The following SH3RF1 variants were observed in gnomAD, a reference collection of about 807,000 sequenced individuals.
SH3RF1 encodes SH3 domain containing ring finger 1.
In SH3RF1, 32 loss-of-function variants were observed where a neutral mutation model predicts 74.0. The observed-to-expected ratio is 0.43, with a 90% confidence interval of 0.33 to 0.58. The LOEUF is 0.58. Among genes scored for constraint, SH3RF1 ranks in the 20% least tolerant of loss-of-function variants. The pLI is 0.05. For missense variants in SH3RF1, 954 were observed against 1,130.9 expected (o/e 0.84, Z 2.24); for synonymous variants, 396 against 439.6 (o/e 0.90, Z 1.24).
At chr4:169,130,490 G>A (rs542121612) in intron 5 of SH3RF1, among the ~76,000 whole-genome samples, 1 of 152,278 alleles carries the variant, frequency 6.6e-6, no homozygotes, top group Non-Finnish European at 1.5e-5. Flanking sequence ...TGGACAGCCT[G>A]GTGCTCAACT....
intron 6 of SH3RF1, among the ~76,000 whole-genome samples, chr4:169,122,928 G>A (rs1733464693): frequency 6.6e-6 from 1 of 152,098 alleles, no homozygotes; most frequent in South Asian, 2.1e-4. Flanking sequence ...GCCTAATGGG[G>A]TTCTGCCTAC....
chr4:169,116,765 G>C (rs765541941), intron 9 of SH3RF1, 135 bp from the exon 10 acceptor site: 2 of 1,223,880 alleles, frequency 1.6e-6, no homozygotes, highest in Non-Finnish European at 2.2e-6. Flanking sequence ...AGATGGGATG[G>C]ACGGTGGCCT....
chr4:169,191,930 T>C (rs1458852816), intron 2 of SH3RF1, among the ~76,000 whole-genome samples: 2 of 152,104 alleles, frequency 1.3e-5, no homozygotes, highest in African/African-American at 2.4e-5. Context: ...TGTGAAACTA[T>C]AAAAATTCTT....
At chr4:169,160,089 A>G (rs561836144) in intron 2 of SH3RF1, among the ~76,000 whole-genome samples, 3 of 152,264 alleles carry the variant, frequency 2.0e-5, no homozygotes, top group Admixed American at 1.3e-4. Context: ...AAATAACTCT[A>G]TTCACCATTA....
chr4:169,236,788 T>C (rs1730829298), intron 2 of SH3RF1, among the ~76,000 whole-genome samples: 1 of 152,208 alleles, frequency 6.6e-6, no homozygotes, highest in South Asian at 2.1e-4. Context: ...ATTGCTTCTA[T>C]ATTATTATTC....
intron 2 of SH3RF1, among the ~76,000 whole-genome samples, chr4:169,200,382 A>G (rs1327396775): frequency 2.6e-5 from 4 of 152,182 alleles, no homozygotes; most frequent in African/African-American, 9.7e-5. Flanking sequence ...GTTAATCACA[A>G]TGCAATTAAG....
At chr4:169,187,012 CA>C (rs11435790) in intron 2 of SH3RF1, among the ~76,000 whole-genome samples, 79 of 127,488 alleles carry the variant, frequency 6.2e-4, no homozygotes, top group African/African-American at 8.0e-4. Flanking sequence ...GGCTCCATCG[CA>C]AAAAAAAAAA....
chr4:169,150,103 A>G (rs781370464), intron 4 of SH3RF1, among the ~76,000 whole-genome samples: 1 of 152,226 alleles, frequency 6.6e-6, no homozygotes, highest in African/African-American at 2.4e-5. Context: ...CTCTATCCAT[A>G]GCCAGAGAAA....
At chr4:169,209,251 T>C (rs1002007103) in intron 2 of SH3RF1, among the ~76,000 whole-genome samples, 1 of 149,106 alleles carries the variant, frequency 6.7e-6, no homozygotes, top group Non-Finnish European at 1.5e-5. Context: ...ATCATGCCAC[T>C]GCACTCCAGC....
At chr4:169,241,413 A>C (rs1328307187) in intron 2 of SH3RF1, among the ~76,000 whole-genome samples, 1 of 152,182 alleles carries the variant, frequency 6.6e-6, no homozygotes, top group East Asian at 1.9e-4. Flanking sequence ...CTTCACCCCC[A>C]ATTCTGCATA....
chr4:169,269,781 C>T (rs928183625), intron 1 of SH3RF1: 10 of 152,384 alleles, frequency 6.6e-5, no homozygotes, highest in South Asian at 2.1e-4. Context: ...TGTAATCGCT[C>T]GTGGTAAATG....
intron 2 of SH3RF1, among the ~76,000 whole-genome samples, chr4:169,180,242 T>C (rs1734485431): frequency 7.3e-6 from 1 of 136,340 alleles, no homozygotes; most frequent in Non-Finnish European, 1.6e-5. Flanking sequence ...CCACGAAGAA[T>C]AAAGAGGTAT....
intron 2 of SH3RF1, among the ~76,000 whole-genome samples, chr4:169,172,431 T>C (rs1415879703): frequency 1.3e-5 from 2 of 152,252 alleles, no homozygotes; most frequent in Admixed American, 6.5e-5. Context: ...TAACATGAGA[T>C]TTATTGACTT....
intron 2 of SH3RF1, among the ~76,000 whole-genome samples, chr4:169,256,242 G>A (rs1354876487): frequency 6.6e-6 from 1 of 151,808 alleles, no homozygotes; most frequent in African/African-American, 2.4e-5. Context: ...AGAGAAGGAA[G>A]AAAGGGAGGG....
chr4:169,155,258 T>C (rs973304248), intron 4 of SH3RF1, among the ~76,000 whole-genome samples: 1 of 152,194 alleles, frequency 6.6e-6, no homozygotes, highest in African/African-American at 2.4e-5. Flanking sequence ...GACACAGGAA[T>C]GCTTTTAGCA....
Position 169,268,806 on chromosome 4 carries a change from T to C in SH3RF1, c.393+14A>G. 1 of 1,556,212 alleles carries C rather than the reference T, an allele frequency of 6.4e-7. No homozygotes were observed. Among genetic ancestry groups the C allele is most frequent in the Non-Finnish European group, 8.7e-7 (1 of 1,155,340 alleles). On this transcript the variant is annotated intron_variant, in intron 2 of 11. Coordinates refer to ENST00000284637, the MANE Select transcript of SH3RF1 (RefSeq NM_020870.4). The stretch of plus-strand genomic sequence containing the variant: ...CCACCTTTATTCACCAAACTACCTC[T>C]GTAGGCTACTTACCCTCACTGGGGG...
Position 169,233,823 on chromosome 4 carries a change from G to A in SH3RF1, c.393+34997C>T, listed in dbSNP as rs144707355. 5.5e-3 allele frequency among the ~76,000 whole-genome samples: 833 copies of A among 152,222 alleles called. 2 individuals are homozygous for A. Among genetic ancestry groups the A allele is most frequent in the Non-Finnish European group, 8.9e-3 (603 of 68,008 alleles). The stretch of plus-strand genomic sequence containing the variant: ...ACAAGCTGACATTTCATTAAGAGAC[G>A]TAATTGAAAATCTAGCTTTCAGGTA... On this transcript the variant is annotated intron_variant, in intron 2 of 11. Transcript: ENST00000284637.
chr4:169,125,015 C>A (rs1733501874), intron 6 of SH3RF1, among the ~76,000 whole-genome samples: 1 of 152,100 alleles, frequency 6.6e-6, no homozygotes, highest in Admixed American at 6.5e-5. Flanking sequence ...AGCTATGGAC[C>A]TTCTAGAAAA....
intron 2 of SH3RF1, among the ~76,000 whole-genome samples, chr4:169,212,515 TTTCC>T (rs1173083910): frequency 2.6e-5 from 4 of 152,142 alleles, no homozygotes; most frequent in Middle Eastern, 3.2e-3. Context: ...CTTTTCATAA[TTTCC>T]TTCCATTTTT....
Sources: allele counts gnomAD v4.1 joint callset (sites outside exome capture counted in the v4.1 genomes callset), GRCh38; gene constraint gnomAD v4.1.1; transcripts MANE v1.5; gene names NCBI Gene and HGNC (gene_info 2026-07-23, HGNC 2026-07-21).